Variants in RABEP2 observed in about 807,000 individuals in gnomAD.
The protein encoded by RABEP2 is rabaptin, RAB GTPase binding effector protein 2.
A neutral mutation model predicts 74.1 loss-of-function variants in RABEP2; 57 were observed. The observed-to-expected ratio is 0.77, with a 90% CI of 0.62 to 0.96. The LOEUF is 0.96. Among genes scored for constraint, RABEP2 ranks in the 40% least tolerant of loss-of-function variants. The pLI is 0.00. For synonymous variants in RABEP2, 351 were observed against 344.0 expected (o/e 1.02, Z -0.23); for missense variants, 692 against 756.3 (o/e 0.91, Z 1.00).
intron 12 of RABEP2, 109 bp from the exon 13 acceptor site, chr16:28,905,153 C>A: frequency 1.1e-6 from 1 of 891,082 alleles, no homozygotes; most frequent in Admixed American, 2.5e-5. Context: ...CCAGGGGCCA[C>A]CTCTAGGGGG....
chr16:28,907,579 G>A (rs1237605295), intron 8 of RABEP2, among the ~76,000 whole-genome samples: 2 of 152,090 alleles, frequency 1.3e-5, no homozygotes, highest in East Asian at 1.9e-4. Flanking sequence ...GATTACAGGC[G>A]TGAGCCACTG....
At position 28,904,812 on chromosome 16, in the gene RABEP2, C is replaced by T; in HGVS notation, c.*131G>A. On this transcript the variant is annotated 3_prime_UTR_variant, in exon 13 of 13. Transcript: ENST00000358201. ...CGCTGGAGGGCGGGGCGGTGGTGGCCCCCGTCAGTCCCCTCAACCCCAGTC... is the reference window on the plus strand; with the variant it reads ...CGCTGGAGGGCGGGGCGGTGGTGGCTCCCGTCAGTCCCCTCAACCCCAGTC... 1 of 743,412 alleles carries T rather than the reference C, an allele frequency of 1.3e-6. No individual in the cohort carries two copies. The highest frequency in any genetic ancestry group is 1.8e-5 in the South Asian group (1 of 54,448). The allele number at this position is 743,412 out of a possible 1,614,324, so 46.1% of individuals were successfully genotyped here. A position where few individuals can be genotyped will look rare whatever the true frequency, so the allele number is the denominator to read the frequency against.
At chr16:28,915,048 T>G (rs1020794095) in intron 3 of RABEP2, among the ~76,000 whole-genome samples, 1 of 147,294 alleles carries the variant, frequency 6.8e-6, no homozygotes, top group African/African-American at 2.5e-5. Flanking sequence ...CATTTTTTTC[T>G]TTCGTCATAG....
rs1464356402 is a variant in RABEP2 at position 28,905,468 on chromosome 16, G to A, written c.1537C>T (p.Arg513Trp). The change falls in exon 12 of 13, where the codon CGG (arginine) becomes TGG (tryptophan). Residue 513 changes from arginine (R) to tryptophan (W), a missense_variant. Arg to Trp is a moderately radical substitution (Grantham distance 101). Transcript: ENST00000358201. ...LLSEQRAKVL[R>W]LQAELETSEQ... Reference sequence around the variant, plus strand: ...CTGGTCTCCAGCTCTGCCTGCAGCCGCAGCACCTTGGCCCTCTGTTCTGAG... The same window carrying A: ...CTGGTCTCCAGCTCTGCCTGCAGCCACAGCACCTTGGCCCTCTGTTCTGAG... 8 of 1,609,304 alleles carry A rather than the reference G, an allele frequency of 5.0e-6. No homozygotes were observed. Among genetic ancestry groups the A allele is most frequent in the South Asian group, 2.2e-5 (2 of 89,666 alleles).
intron 8 of RABEP2, among the ~76,000 whole-genome samples, chr16:28,906,492 C>T (rs577893014): frequency 6.6e-6 from 1 of 152,280 alleles, no homozygotes; most frequent in East Asian, 1.9e-4. Context: ...TTGCCGGGCG[C>T]GGTGGCTCAC....
intron 5 of RABEP2, among the ~76,000 whole-genome samples, chr16:28,912,406 CTTT>C (rs58094012): frequency 1.1e-4 from 13 of 118,144 alleles, no homozygotes; most frequent in Non-Finnish European, 1.3e-4. Flanking sequence ...TTCTTTCTTT[CTTT>C]TTTTTTTTTT....
rs1482003043 is a variant in RABEP2 at position 28,904,693 on chromosome 16, G to A, written c.*250C>T. Reference sequence around the variant, plus strand: ...CAGCACAGCAGCCAGAAAGCCGCAGGCCTGAGCCTGCACCTTTGGTTCCGG... The same window carrying A: ...CAGCACAGCAGCCAGAAAGCCGCAGACCTGAGCCTGCACCTTTGGTTCCGG... On this transcript the variant is annotated 3_prime_UTR_variant, in exon 13 of 13. Transcript: ENST00000358201. 7 of 646,498 alleles carry A rather than the reference G, an allele frequency of 1.1e-5. No homozygotes were observed. Among genetic ancestry groups the A allele is most frequent in the Non-Finnish European group, 1.8e-5 (7 of 394,116 alleles). 40.0% of individuals were successfully genotyped at this position (646,498 alleles called of 1,614,324 possible).
chr16:28,924,972 G>A, intron 1 of RABEP2, 131 bp downstream of exon 1: 1 of 1,097,212 alleles, frequency 9.1e-7, no homozygotes, highest in Non-Finnish European at 1.3e-6. Flanking sequence ...TGTAGGCCCC[G>A]CCCCCTTTCC....
chr16:28,908,695 G>A lies in RABEP2; in HGVS notation c.1159C>T (p.Leu387Phe), dbSNP rs780063825. ...GAGGATGGCAGCTGCTCGGCCCGGAGCCCTTGGTTTTCCTCATTCAACCGC... is the reference window on the plus strand; with the variant it reads ...GAGGATGGCAGCTGCTCGGCCCGGAACCCTTGGTTTTCCTCATTCAACCGC... The part of the protein sequence containing the change: ...VKRLNEENQG[L>F]RAEQLPSSAP... Residue 387 changes from leucine to phenylalanine, a missense_variant, in exon 8 of 13, where the codon CTC becomes TTC. Coordinates refer to ENST00000358201, the MANE Select transcript of RABEP2 (RefSeq NM_024816.3). 6 of 1,614,228 alleles carry A rather than the reference G, an allele frequency of 3.7e-6. No homozygotes were observed. Among genetic ancestry groups the A allele is most frequent in the Non-Finnish European group, 5.1e-6 (6 of 1,180,032 alleles).
chr16:28,913,548 C>G (rs756759054), intron 5 of RABEP2, among the ~76,000 whole-genome samples: 4 of 151,966 alleles, frequency 2.6e-5, no homozygotes, highest in Non-Finnish European at 5.9e-5. Flanking sequence ...GTGGTTTGAT[C>G]TTGGCTCACT....
chr16:28,921,569 C>T (rs767860595), intron 2 of RABEP2, among the ~76,000 whole-genome samples: 18 of 151,192 alleles, frequency 1.2e-4, no homozygotes, highest in Non-Finnish European at 2.1e-4. Context: ...CTCCCAGGGC[C>T]TTGAATGTGA....
rs760213545 is a variant in RABEP2 at position 28,914,372 on chromosome 16, C to G, written c.758G>C (p.Arg253Pro). 3 of 1,613,386 alleles carry G rather than the reference C, an allele frequency of 1.9e-6. No individual in the cohort carries two copies. The highest frequency in any genetic ancestry group is 2.5e-6 in the Non-Finnish European group (3 of 1,179,992). ...TTCCTGTTCAGGGCTCAGGCCCTGG[C>G]GGCTTTGGGGCAGGGAGGAGCTGCT... ...VGSSSSLPQS[R>P]QGLSPEQEET... is the part of the protein sequence containing the mutation. The change falls in exon 5 of 13, where the codon CGC becomes CCC. Residue 253 changes from arginine (R) to proline (P), a missense_variant. Arg to Pro is a moderately radical substitution (Grantham distance 103). Transcript: ENST00000358201.
At chr16:28,916,723 C>T (rs1416291192) in intron 3 of RABEP2, among the ~76,000 whole-genome samples, 4 of 147,052 alleles carry the variant, frequency 2.7e-5, no homozygotes, top group South Asian at 2.2e-4. Context: ...CAGTGGCTCA[C>T]GCCTGTAATC....
chr16:28,924,226 T>C, intron 2 of RABEP2, 177 bp downstream of exon 2: 1 of 609,622 alleles, frequency 1.6e-6, no homozygotes, highest in Non-Finnish European at 2.9e-6. Context: ...TGCTATCACA[T>C]GGAGGGCCTC....
At position 28,914,517 on chromosome 16, in the gene RABEP2, G is replaced by A. The variant is rs754503497; in HGVS notation, c.613C>T (p.Pro205Ser). 9.3e-6 allele frequency: 15 copies of A among 1,612,950 alleles called. No individual in the cohort carries two copies. Among genetic ancestry groups the A allele is most frequent in the East Asian group, 6.7e-5 (3 of 44,878 alleles). ...AGCTCCTCCAGAGGCTCCAGCGGGG[G>A]CGATGGATCCCGGGACAGGGGCAGC... ...ELLPLSRDPS[P>S]PLEPLEELSG... The change falls in exon 5 of 13, where the codon CCC (proline) becomes TCC (serine). Residue 205 changes from proline to serine, a missense_variant. Pro to Ser is a moderately conservative substitution (Grantham distance 74, BLOSUM62 -1). Transcript: ENST00000358201.
intron 5 of RABEP2, 122 bp from the exon 6 acceptor site, chr16:28,911,301 C>T: frequency 3.4e-6 from 3 of 872,034 alleles, no homozygotes; most frequent in Non-Finnish European, 5.3e-6. Context: ...ATTACAGGCC[C>T]AGCCATCCAT....
chr16:28,909,153 T>C (rs1964277138), intron 7 of RABEP2, among the ~76,000 whole-genome samples: 1 of 152,098 alleles, frequency 6.6e-6, no homozygotes, highest in Admixed American at 6.6e-5. Flanking sequence ...CTCGGCTCAC[T>C]GCAACCTCCG....
rs1964212210 is a variant in RABEP2 at position 28,905,476 on chromosome 16, T to G, written c.1529A>C (p.Lys510Thr). ...LPDLLSEQRA[K>T]VLRLQAELET... ...CAGCTCTGCCTGCAGCCGCAGCACC[T>G]TGGCCCTCTGTTCTGAGAGGAGGTC... The change falls in exon 12 of 13, where the codon AAG becomes ACG. Residue 510 changes from lysine to threonine, a missense_variant. Physicochemically the swap from Lys to Thr is moderately conservative, Grantham distance 78 (BLOSUM62 -1). Transcript: ENST00000358201. 1 of 1,610,432 alleles carries G rather than the reference T, an allele frequency of 6.2e-7. No homozygotes were observed. The highest frequency in any genetic ancestry group is 1.7e-5 in the Admixed American group (1 of 59,536).
chr16:28,918,674 G>A (rs1964428048), intron 3 of RABEP2, among the ~76,000 whole-genome samples: 1 of 150,654 alleles, frequency 6.6e-6, no homozygotes, highest in Admixed American at 6.6e-5. Flanking sequence ...TTTTTAAAGA[G>A]ACAGGGTCTT....
Sources: allele counts gnomAD v4.1 joint callset (sites outside exome capture counted in the v4.1 genomes callset), GRCh38; gene constraint gnomAD v4.1.1; transcripts MANE v1.5; gene names NCBI Gene and HGNC (gene_info 2026-07-23, HGNC 2026-07-21).